JHY: variants seen among roughly 807,000 people sequenced by gnomAD.
JHY encodes jhy protein homolog.
In JHY, 69 loss-of-function variants were observed where a neutral mutation model predicts 78.0. That is an observed-to-expected ratio of 0.88 (90% CI 0.73 to 1.08). JHY has a LOEUF of 1.08. Among genes scored for constraint, JHY ranks in the 50% least tolerant of loss-of-function variants. The pLI is 0.00. For missense variants in JHY, 944 were observed against 927.8 expected, an observed-to-expected ratio of 1.02 and a Z score of -0.23; for synonymous variants, 368 against 342.6, an observed-to-expected ratio of 1.07 and a Z score of -0.82.
chr11:122,901,872 C>CA (rs777748055), intron 2 of JHY, among the ~76,000 whole-genome samples: 318 of 115,940 alleles, frequency 2.7e-3, no homozygotes, highest in Middle Eastern at 4.4e-3. Flanking sequence ...GACTCTGTCT[C>CA]AAAAAAAAAA....
At chr11:122,903,609 G>C (rs969928882) in intron 2 of JHY, among the ~76,000 whole-genome samples, 1 of 152,110 alleles carries the variant, frequency 6.6e-6, no homozygotes, top group Non-Finnish European at 1.5e-5. Flanking sequence ...CTCCTGAGTA[G>C]CTGGGACTAC....
At chr11:122,900,595 T>C (rs972143850) in intron 2 of JHY, among the ~76,000 whole-genome samples, 2 of 150,462 alleles carry the variant, frequency 1.3e-5, no homozygotes, top group Admixed American at 1.3e-4. Flanking sequence ...AGACTTTATA[T>C]TGGGTCACAT....
Position 122,882,884 on chromosome 11 carries a change from G to C in JHY, c.-178G>C, listed in dbSNP as rs1862409121. Reference sequence around the variant, plus strand: ...TGTCTGCGGTCTCCAGGGCAGCGCCGGGGCGGGCGGGGGCCCGGGCGGCGG... The same window carrying C: ...TGTCTGCGGTCTCCAGGGCAGCGCCCGGGCGGGCGGGGGCCCGGGCGGCGG... On this transcript the variant is annotated 5_prime_UTR_variant, in exon 1 of 9. Coordinates refer to ENST00000227349, the MANE Select transcript of JHY (RefSeq NM_024806.4). 6.6e-6 allele frequency: 1 copy of C among 152,226 alleles called. No homozygotes were observed. Among genetic ancestry groups the C allele is most frequent in the Admixed American group, 6.6e-5 (1 of 15,152 alleles). The allele number at this position is 152,226 out of a possible 1,614,324, so 9.4% of individuals were successfully genotyped here.
intron 2 of JHY, among the ~76,000 whole-genome samples, chr11:122,900,708 G>A (rs1040666775): frequency 1.3e-5 from 2 of 151,936 alleles, no homozygotes; most frequent in African/African-American, 4.8e-5. Flanking sequence ...CTGACCTATC[G>A]ACTGAGCTTC....
chr11:122,942,123 C>T (rs756776807), intron 5 of JHY, among the ~76,000 whole-genome samples: 6 of 152,064 alleles, frequency 3.9e-5, no homozygotes, highest in East Asian at 1.9e-4. Context: ...CCACCCACCT[C>T]GGCCTCCCAA....
chr11:122,937,057 C>T (rs376764852), intron 5 of JHY, among the ~76,000 whole-genome samples: 1 of 152,176 alleles, frequency 6.6e-6, no homozygotes, highest in South Asian at 2.1e-4. Flanking sequence ...TTACTATAAT[C>T]ATTATAAGAC....
rs1185689331 is a variant in JHY at position 122,928,182 on chromosome 11, G to A, written c.978+3172G>A. Among the ~76,000 whole-genome samples, 3 of 152,200 alleles carry A rather than the reference G, an allele frequency of 2.0e-5. No homozygotes were observed. The East Asian group carries it at 5.8e-4, about 29-fold the overall frequency. Reference sequence around the variant, plus strand: ...ATTTAAAGATCATGGGCCAGGCACAGTGGCTCATGCCTATAATCCTATTGC... The same window carrying A: ...ATTTAAAGATCATGGGCCAGGCACAATGGCTCATGCCTATAATCCTATTGC... On this transcript the variant is annotated intron_variant, in intron 4 of 8. Coordinates refer to ENST00000227349, the MANE Select transcript of JHY (RefSeq NM_024806.4).
chr11:122,940,856 T>C lies in JHY; in HGVS notation c.1635-5642T>C, dbSNP rs563542058. Among the ~76,000 whole-genome samples, 1,166 of 152,000 alleles carry C rather than the reference T, an allele frequency of 7.7e-3. 5 individuals carry two copies. Among genetic ancestry groups the C allele is most frequent in the Non-Finnish European group, 0.012 (782 of 67,968 alleles). On this transcript the variant is annotated intron_variant, in intron 5 of 8. Coordinates refer to ENST00000227349, the MANE Select transcript of JHY (RefSeq NM_024806.4). Reference sequence around the variant, plus strand: ...CCTTCCTTCCTTCCTTCTTTATCTCTCTCTCTCTCTCTCCCTCTCTCTCTA... The same window carrying C: ...CCTTCCTTCCTTCCTTCTTTATCTCCCTCTCTCTCTCTCCCTCTCTCTCTA...
At chr11:122,925,081 A>C in intron 4 of JHY, 71 bp downstream of exon 4, 2 of 1,170,360 alleles carry the variant, frequency 1.7e-6, no homozygotes, top group Non-Finnish European at 2.5e-6. Flanking sequence ...ATCGTGACTG[A>C]GTTCTTATCA....
At chr11:122,919,430 G>C (rs965161867) in intron 3 of JHY, among the ~76,000 whole-genome samples, 1 of 151,176 alleles carries the variant, frequency 6.6e-6, no homozygotes, top group African/African-American at 2.4e-5. Flanking sequence ...GGCAAAGAAT[G>C]GCCTATGCAA....
At chr11:122,909,122 G>A (rs1272708220) in intron 3 of JHY, among the ~76,000 whole-genome samples, 2 of 152,036 alleles carry the variant, frequency 1.3e-5, no homozygotes, top group Admixed American at 6.6e-5. Flanking sequence ...CATATAAGAG[G>A]TTACTCAGTC....
At chr11:122,938,406 T>G (rs1363142864) in intron 5 of JHY, among the ~76,000 whole-genome samples, 1 of 152,056 alleles carries the variant, frequency 6.6e-6, no homozygotes, top group Non-Finnish European at 1.5e-5. Flanking sequence ...ACAGGATTTT[T>G]TTGTTGTTGT....
Position 122,959,505 on chromosome 11 carries a change from C to CACCAAACCACCTTCAA in JHY, c.*60_*61insACCAAACCACCTTCAA. The CACCAAACCACCTTCAA allele has an allele frequency of 2.0e-6, 3 of 1,483,856 alleles. No homozygotes were observed. Among genetic ancestry groups the CACCAAACCACCTTCAA allele is most frequent in the Non-Finnish European group, 2.8e-6 (3 of 1,071,892 alleles). 91.9% of individuals were successfully genotyped at this position (1,483,856 alleles called of 1,614,324 possible). ...CAGGAATGAACGTGGAGAAAAGAAA[C>CACCAAACCACCTTCAA]GCCAACCACCTTCTCTGCGTTGAGA... On this transcript the variant is annotated 3_prime_UTR_variant, in exon 9 of 9. Transcript: ENST00000227349.
At chr11:122,942,001 A>T (rs1863883465) in intron 5 of JHY, among the ~76,000 whole-genome samples, 1 of 152,056 alleles carries the variant, frequency 6.6e-6, no homozygotes, top group South Asian at 2.1e-4. Flanking sequence ...CTTCCCAAGT[A>T]GCTAGGATTA....
At position 122,960,456 on chromosome 11, in the gene JHY, C is replaced by A; in HGVS notation, c.*1011C>A. The A allele has an allele frequency of 4.2e-6, 1 of 238,906 alleles. No individual in the cohort carries two copies. The highest frequency in any genetic ancestry group is 8.8e-6 in the Non-Finnish European group (1 of 113,560). The allele number at this position is 238,906 out of a possible 1,614,324, so 14.8% of individuals were successfully genotyped here. On this transcript the variant is annotated 3_prime_UTR_variant, in exon 9 of 9. Transcript: ENST00000227349. ...CACAGGGAAGCCACTCCTTGCCCCT[C>A]TACCACCTCTTCCTTCCTTTTCCTA...
In JHY at chr11:122,946,383, T is replaced by C. The variant is rs186486293; in HGVS notation, c.1635-115T>C. 20 of 1,140,174 alleles carry C rather than the reference T, an allele frequency of 1.8e-5. No individual in the cohort carries two copies. In the Admixed American group the frequency reaches 6.3e-4, roughly 36 times the overall value. 70.6% of individuals were successfully genotyped at this position (1,140,174 alleles called of 1,614,324 possible). Reference sequence around the variant, plus strand: ...AAAAGATTAAGCTAAAGGTCATTAATTTGATTTGAGAGTGATAAATACATC... The same window carrying C: ...AAAAGATTAAGCTAAAGGTCATTAACTTGATTTGAGAGTGATAAATACATC... On this transcript the variant is annotated intron_variant, in intron 5 of 8. Coordinates refer to ENST00000227349, the MANE Select transcript of JHY (RefSeq NM_024806.4).
In JHY at chr11:122,885,908, A is replaced by C; in HGVS notation, c.59A>C (p.Asn20Thr). ...ATTCAATCTCCTGTCCTTCATACCA[A>C]CTTAAATGTCCAGTCCACACACCCA... The part of the protein sequence containing the change: ...LSIQSPVLHT[N>T]LNVQSTHPPL... The change falls in exon 2 of 9, where the codon AAC (asparagine) becomes ACC (threonine). Residue 20 changes from asparagine to threonine, a missense_variant. Transcript: ENST00000227349. The C allele has an allele frequency of 6.2e-7, 1 of 1,614,120 alleles. No individual in the cohort carries two copies. Among genetic ancestry groups the C allele is most frequent in the Non-Finnish European group, 8.5e-7 (1 of 1,180,002 alleles).
intron 2 of JHY, among the ~76,000 whole-genome samples, chr11:122,903,278 T>A (rs1212452148): frequency 6.6e-6 from 1 of 152,248 alleles, no homozygotes; most frequent in African/African-American, 2.4e-5. Context: ...ACGTAAGTAA[T>A]CGCATTCATT....
chr11:122,922,876 CA>C (rs1863406528), intron 3 of JHY, among the ~76,000 whole-genome samples: 1 of 150,366 alleles, frequency 6.7e-6, no homozygotes, highest in African/African-American at 2.4e-5. Context: ...GGACAGATCC[CA>C]AAACCCAAGT....
Sources: gnomAD v4.1 joint callset for allele counts (sites outside exome capture counted in the v4.1 genomes callset) on GRCh38, gnomAD v4.1.1 for gene constraint, MANE v1.5 for transcripts, NCBI Gene and HGNC (gene_info 2026-07-23, HGNC 2026-07-21) for gene names.